The following FAM169A variants were observed in gnomAD, a reference collection of about 807,000 sequenced individuals.
The protein encoded by FAM169A is soluble lamin-associated protein of 75 kDa.
In FAM169A, 24 loss-of-function variants were observed where a neutral mutation model predicts 75.7. The observed-to-expected ratio is 0.32, with a 90% CI of 0.23 to 0.45. The LOEUF (loss-of-function observed/expected upper bound fraction) is 0.45, where lower values mean the gene tolerates loss of function less well. Among genes scored for constraint, FAM169A ranks in the 20% least tolerant of loss-of-function variants. The probability of loss-of-function intolerance (pLI) is 1.00; values close to 1 mark genes in which losing one functional copy is unlikely to be tolerated. For missense variants in FAM169A, 673 were observed against 784.0 expected (o/e 0.86, Z 1.69); for synonymous variants, 271 against 271.0 (o/e 1.00, Z 0.00).
intron 5 of FAM169A, among the ~76,000 whole-genome samples, chr5:74,814,925 C>G (rs1747391979): frequency 6.6e-6 from 1 of 152,054 alleles, no homozygotes; most frequent in Admixed American, 6.5e-5. Context: ...TCAGATTATT[C>G]ATATGATTTT....
At chr5:74,825,629 G>C (rs1326283336) in intron 5 of FAM169A, among the ~76,000 whole-genome samples, 2 of 152,082 alleles carry the variant, frequency 1.3e-5, no homozygotes, top group Admixed American at 1.3e-4. Context: ...TTTTAAGACT[G>C]ACAGTCTAGA....
In FAM169A at chr5:74,781,982, C is replaced by T. The variant is rs371938643; in HGVS notation, c.1491G>A (p.Met497Ile). The T allele has an allele frequency of 6.2e-7, 1 of 1,612,694 alleles. No individual in the cohort carries two copies. The highest frequency in any genetic ancestry group is 1.3e-5 in the African/African-American group (1 of 74,898). Residue 497 changes from methionine (M) to isoleucine (I), a missense_variant, in exon 13 of 13, where the codon ATG becomes ATA. By Grantham distance (10) the Met-to-Ile change is conservative. This residue lies in a region of FAM169A where 510 missense variants were observed against 550.9 expected (regional missense o/e 0.93). Transcript: ENST00000687041. ...DKTPRIPDSE[M>I]LMDEGTSDEK... ...CATCAGATGTGCCTTCATCCATCAA[C>T]ATTTCTGAGTCAGGTATACGTGGGG...
At position 74,824,177 on chromosome 5, in the gene FAM169A, T is replaced by C. The variant is rs866404947; in HGVS notation, c.491-10158A>G. Among the ~76,000 whole-genome samples the C allele has an allele frequency of 6.0e-4, 92 of 152,312 alleles. 1 individual carries two copies. The Middle Eastern group carries it at 0.01, about 17-fold the overall frequency. On this transcript the variant is annotated intron_variant, in intron 5 of 12. Coordinates refer to ENST00000687041, the MANE Select transcript of FAM169A (RefSeq NM_001376049.1). The stretch of plus-strand genomic sequence containing the variant: ...AGTAGTGGGCTAAACTGACTTATAG[T>C]AGTTGTTGACTAGATTGTTCTTCCC...
chr5:74,833,033 G>A (rs1748396877), intron 5 of FAM169A, among the ~76,000 whole-genome samples: 1 of 152,004 alleles, frequency 6.6e-6, no homozygotes, highest in Non-Finnish European at 1.5e-5. Context: ...AATAAGAAGA[G>A]CACACTCCTG....
intron 6 of FAM169A, among the ~76,000 whole-genome samples, chr5:74,808,707 T>A (rs758032352): frequency 6.6e-6 from 1 of 152,118 alleles, no homozygotes; most frequent in East Asian, 1.9e-4. Context: ...GACATAAATA[T>A]GAAACCATAA....
Position 74,781,734 on chromosome 5 carries a change from T to C in FAM169A, c.1739A>G (p.Gln580Arg), listed in dbSNP as rs780444572. 6 of 1,614,024 alleles carry C rather than the reference T, an allele frequency of 3.7e-6. No individual in the cohort carries two copies. Among genetic ancestry groups the C allele is most frequent in the Admixed American group, 1.7e-5 (1 of 60,002 alleles). The change falls in exon 13 of 13, where the codon CAG (glutamine) becomes CGG (arginine). Residue 580 changes from glutamine (Q) to arginine (R), a missense_variant. Gln to Arg is a conservative substitution (Grantham distance 43, BLOSUM62 1). This residue lies in a region of FAM169A where 510 missense variants were observed against 550.9 expected (regional missense o/e 0.93). Coordinates refer to ENST00000687041, the MANE Select transcript of FAM169A (RefSeq NM_001376049.1). ...DQGEEGVSEPQETSTALPQSS... is the reference protein window; with the variant it reads ...DQGEEGVSEPRETSTALPQSS... Reference sequence around the variant, plus strand: ...CTGAGGAAGAGCAGTAGATGTTTCCTGGGGCTCAGATACCCCCTCCTCACC... The same window carrying C: ...CTGAGGAAGAGCAGTAGATGTTTCCCGGGGCTCAGATACCCCCTCCTCACC...
intron 6 of FAM169A, among the ~76,000 whole-genome samples, chr5:74,806,867 A>G (rs1746911311): frequency 6.6e-6 from 1 of 152,216 alleles, no homozygotes; most frequent in Admixed American, 6.5e-5. Context: ...GGAATTTCAC[A>G]CCTAATGAAA....
At chr5:74,805,759 T>C (rs1432455582) in intron 6 of FAM169A, among the ~76,000 whole-genome samples, 4 of 151,708 alleles carry the variant, frequency 2.6e-5, no homozygotes, top group African/African-American at 9.7e-5. Flanking sequence ...CAGAGGGACA[T>C]AGAAAAACTG....
At chr5:74,850,854 A>G (rs964176090) in intron 1 of FAM169A, among the ~76,000 whole-genome samples, 8 of 152,220 alleles carry the variant, frequency 5.3e-5, no homozygotes, top group Non-Finnish European at 8.8e-5. Flanking sequence ...AAAATTCATA[A>G]AACAGGAAAA....
At chr5:74,792,975 T>G (rs952457663) in intron 11 of FAM169A, among the ~76,000 whole-genome samples, 2 of 152,130 alleles carry the variant, frequency 1.3e-5, no homozygotes, top group Admixed American at 6.5e-5. Flanking sequence ...AATTTGCAAC[T>G]GCAAAAAATA....
At chr5:74,858,216 T>C (rs892494643) in intron 1 of FAM169A, among the ~76,000 whole-genome samples, 1 of 151,732 alleles carries the variant, frequency 6.6e-6, no homozygotes, top group African/African-American at 2.4e-5. Flanking sequence ...TGAAACTCCG[T>C]CTCTACTAAA....
Position 74,781,302 on chromosome 5 carries a change from A to G in FAM169A, c.*158T>C, listed in dbSNP as rs979234589. 6.9e-6 allele frequency: 4 copies of G among 578,146 alleles called. No homozygotes were observed. Among genetic ancestry groups the G allele is most frequent in the East Asian group, 2.7e-5 (1 of 36,430 alleles). The allele number at this position is 578,146 out of a possible 1,614,324, so 35.8% of individuals were successfully genotyped here. A position where few individuals can be genotyped will look rare whatever the true frequency, so the allele number is the denominator to read the frequency against. On this transcript the variant is annotated 3_prime_UTR_variant, in exon 13 of 13. Transcript: ENST00000687041. ...AAAATTAAAAACAATGGTGAATTCT[A>G]CGTTCTAAAGGGAAGCAAAAAACTG... is the stretch of plus-strand genomic sequence containing the variant.
chr5:74,782,260 T>C (rs1745451496), intron 12 of FAM169A, among the ~76,000 whole-genome samples: 1 of 152,196 alleles, frequency 6.6e-6, no homozygotes. Context: ...AAATAATTAT[T>C]TCATAATTAA....
chr5:74,866,439 C>G (rs971174997), upstream of FAM169A: 1 of 912,886 alleles, frequency 1.1e-6, no homozygotes, highest in Non-Finnish European at 1.3e-6. Context: ...GCGCCCACCG[C>G]GAATCCCCCC....
chr5:74,854,973 C>G (rs571184412), intron 1 of FAM169A, among the ~76,000 whole-genome samples: 62 of 152,164 alleles, frequency 4.1e-4, no homozygotes, highest in South Asian at 8.3e-4. Flanking sequence ...TGGGTATATA[C>G]CAAGCAGTGG....
chr5:74,796,206 C>A lies in FAM169A; in HGVS notation c.1104-20G>T. On this transcript the variant is annotated intron_variant, in intron 10 of 12. Coordinates refer to ENST00000687041, the MANE Select transcript of FAM169A (RefSeq NM_001376049.1). ...TCCAATCTAAAAAACAAAAGAAAAC[C>A]ATTCTGACTTGTTTTATTAAGGATA... is the stretch of plus-strand genomic sequence containing the variant. 6.3e-7 allele frequency: 1 copy of A among 1,586,716 alleles called. No individual in the cohort carries two copies. The highest frequency in any genetic ancestry group is 1.2e-5 in the South Asian group (1 of 85,400).
At chr5:74,787,669 AC>A (rs573228185) in intron 11 of FAM169A, among the ~76,000 whole-genome samples, 4 of 152,186 alleles carry the variant, frequency 2.6e-5, no homozygotes, top group South Asian at 2.1e-4. Flanking sequence ...GGAGCACTCA[AC>A]CATCAAATGC....
chr5:74,856,934 C>T (rs1325503201), intron 1 of FAM169A, among the ~76,000 whole-genome samples: 2 of 150,816 alleles, frequency 1.3e-5, no homozygotes, highest in African/African-American at 4.9e-5. Context: ...ACGGTGAAAC[C>T]CCATCTCTAC....
chr5:74,847,291 T>C (rs1749204483), intron 1 of FAM169A, among the ~76,000 whole-genome samples: 1 of 152,130 alleles, frequency 6.6e-6, no homozygotes, highest in South Asian at 2.1e-4. Flanking sequence ...TAACTGTCCA[T>C]TCCTTCCCCC....
Sources: gnomAD v4.1 joint callset for allele counts (sites outside exome capture counted in the v4.1 genomes callset) on GRCh38, gnomAD v4.1.1 for gene constraint, gnomAD v4.1.1 regional missense constraint, MANE v1.5 for transcripts, NCBI Gene and HGNC (gene_info 2026-07-23, HGNC 2026-07-21) for gene names.